Variants in TACR3 observed in about 807,000 individuals in gnomAD.
TACR3 encodes neuromedin-K receptor.
TACR3 carries 34 observed loss-of-function variants against 35.0 expected under a neutral mutation model. That is an observed-to-expected ratio of 0.97 (90% CI 0.74 to 1.30). TACR3 has a LOEUF of 1.30. Ranked by LOEUF, TACR3 falls within the 50% of genes most tolerant of loss-of-function variation. The probability of loss-of-function intolerance (pLI) is 0.00; values close to 1 mark genes in which losing one functional copy is unlikely to be tolerated. For synonymous variants in TACR3, 233 were observed against 221.1 expected (o/e 1.05, Z -0.48); for missense variants, 558 against 591.7 (o/e 0.94, Z 0.59).
At chr4:103,629,496 G>A (rs1403807211) in intron 3 of TACR3, among the ~76,000 whole-genome samples, 11 of 151,916 alleles carry the variant, frequency 7.2e-5, no homozygotes, top group African/African-American at 2.7e-4. Context: ...TACACCAATA[G>A]CAGACAAACA....
chr4:103,703,827 G>T (rs1439611030), intron 1 of TACR3, among the ~76,000 whole-genome samples: 1 of 152,006 alleles, frequency 6.6e-6, no homozygotes, highest in Non-Finnish European at 1.5e-5. Flanking sequence ...ATGGCCGGCC[G>T]TGGTGGCTCA....
chr4:103,692,070 C>G (rs566543139), intron 1 of TACR3, among the ~76,000 whole-genome samples: 46 of 152,004 alleles, frequency 3.0e-4, no homozygotes, highest in Non-Finnish European at 8.8e-5. Context: ...TCTCCTGGAC[C>G]GAGCTGGTCC....
At chr4:103,653,846 TACA>T (rs1165154495) in intron 3 of TACR3, among the ~76,000 whole-genome samples, 2 of 151,904 alleles carry the variant, frequency 1.3e-5, no homozygotes. Context: ...CAAACAAATT[TACA>T]AGAAAAAACA....
At chr4:103,619,146 G>C (rs1046936142) in intron 3 of TACR3, among the ~76,000 whole-genome samples, 1 of 151,996 alleles carries the variant, frequency 6.6e-6, no homozygotes, top group African/African-American at 2.4e-5. Flanking sequence ...AGACTATAGG[G>C]TTTTCTAGGT....
chr4:103,634,958 G>A (rs1004629171), intron 3 of TACR3, among the ~76,000 whole-genome samples: 1 of 151,952 alleles, frequency 6.6e-6, no homozygotes, highest in African/African-American at 2.4e-5. Context: ...ATAAAATAAT[G>A]TGTAGGCTGT....
intron 1 of TACR3, among the ~76,000 whole-genome samples, chr4:103,678,031 T>C (rs1726210395): frequency 6.6e-6 from 1 of 152,170 alleles, no homozygotes; most frequent in Non-Finnish European, 1.5e-5. Context: ...CAAGGTAATG[T>C]AGCATAGGTT....
At chr4:103,702,351 A>T (rs1722673439) in intron 1 of TACR3, among the ~76,000 whole-genome samples, 1 of 152,324 alleles carries the variant, frequency 6.6e-6, no homozygotes, top group Middle Eastern at 3.4e-3. Flanking sequence ...CCACAATGAG[A>T]TACCATCTCA....
chr4:103,709,873 A>G (rs1722900304), intron 1 of TACR3, among the ~76,000 whole-genome samples: 1 of 152,182 alleles, frequency 6.6e-6, no homozygotes, highest in African/African-American at 2.4e-5. Context: ...TCTCTGATAA[A>G]ACAGACTTTA....
Position 103,589,337 on chromosome 4 carries a change from A to G in TACR3, c.*345T>C. Reference sequence around the variant, plus strand: ...TTTAAAGATTCTTTAATCTCTTGGAAAAACTATATATCATTTTAATGTCAC... The same window carrying G: ...TTTAAAGATTCTTTAATCTCTTGGAGAAACTATATATCATTTTAATGTCAC... On this transcript the variant is annotated 3_prime_UTR_variant, in exon 5 of 5. Coordinates refer to ENST00000304883, the MANE Select transcript of TACR3 (RefSeq NM_001059.3). 5.0e-6 allele frequency: 1 copy of G among 198,874 alleles called. No homozygotes were observed. The highest frequency in any genetic ancestry group is 1.1e-5 in the Non-Finnish European group (1 of 94,992). 12.3% of individuals were successfully genotyped at this position (198,874 alleles called of 1,614,324 possible).
intron 1 of TACR3, among the ~76,000 whole-genome samples, chr4:103,687,160 A>T (rs1722269011): frequency 6.6e-6 from 1 of 152,142 alleles, no homozygotes. Context: ...TGATTATCTC[A>T]ATAGATGCAG....
At chr4:103,618,934 G>A (rs771345945) in intron 3 of TACR3, among the ~76,000 whole-genome samples, 26 of 152,016 alleles carry the variant, frequency 1.7e-4, no homozygotes, top group Admixed American at 1.4e-3. Flanking sequence ...ATTTTTGTAC[G>A]TTGATTTTGT....
intron 1 of TACR3, among the ~76,000 whole-genome samples, chr4:103,662,541 G>T (rs1725854867): frequency 6.6e-6 from 1 of 151,914 alleles, no homozygotes; most frequent in African/African-American, 2.4e-5. Context: ...TTTACGGTTT[G>T]AATTGTGACC....
intron 1 of TACR3, among the ~76,000 whole-genome samples, chr4:103,699,586 G>GGTGA (rs1722600451): frequency 6.6e-6 from 1 of 152,178 alleles, no homozygotes; most frequent in African/African-American, 2.4e-5. Flanking sequence ...AAACCAGTTA[G>GGTGA]GTGAGTATTG....
intron 1 of TACR3, among the ~76,000 whole-genome samples, chr4:103,701,697 C>A (rs1451174219): frequency 2.0e-5 from 3 of 152,128 alleles, no homozygotes; most frequent in African/African-American, 7.2e-5. Flanking sequence ...GGTACCAAAA[C>A]AGAGATATAG....
chr4:103,686,465 C>A (rs1226778151), intron 1 of TACR3, among the ~76,000 whole-genome samples: 2 of 152,082 alleles, frequency 1.3e-5, no homozygotes, highest in African/African-American at 4.8e-5. Flanking sequence ...AGACCACAAA[C>A]TGTCAAACAA....
chr4:103,640,496 C>T (rs1033519544), intron 3 of TACR3, among the ~76,000 whole-genome samples: 10 of 151,736 alleles, frequency 6.6e-5, no homozygotes, highest in Admixed American at 3.9e-4. Flanking sequence ...AGTTCTTTTG[C>T]CCATTTTAAA....
intron 3 of TACR3, among the ~76,000 whole-genome samples, chr4:103,604,122 C>A (rs1238863464): frequency 6.6e-6 from 1 of 152,230 alleles, no homozygotes; most frequent in South Asian, 2.1e-4. Flanking sequence ...AGGCATCAGG[C>A]TGCTTGACTT....
At chr4:103,707,288 C>A (rs1343344768) in intron 1 of TACR3, among the ~76,000 whole-genome samples, 1 of 149,986 alleles carries the variant, frequency 6.7e-6, no homozygotes, top group Admixed American at 6.7e-5. Context: ...GTATAATTAT[C>A]AAGAGACTCA....
chr4:103,711,013 C>T lies in TACR3; in HGVS notation c.548+8115G>A, dbSNP rs146652930. Among the ~76,000 whole-genome samples the T allele has an allele frequency of 3.8e-3, 580 of 152,080 alleles. 29 individuals carry two copies. The East Asian group carries it at 0.083, about 22-fold the overall frequency. ...AGGCAATAATTAATTGCCTACCAAA[C>T]AAAAAAAGTCCAGGGCCAGATGGAT... is the stretch of plus-strand genomic sequence containing the variant. On this transcript the variant is annotated intron_variant, in intron 1 of 4. Transcript: ENST00000304883.
Sources: gnomAD v4.1 joint callset for allele counts (sites outside exome capture counted in the v4.1 genomes callset) on GRCh38, gnomAD v4.1.1 for gene constraint, MANE v1.5 for transcripts, NCBI Gene and HGNC (gene_info 2026-07-23, HGNC 2026-07-21) for gene names.